Variants in CD1B observed in about 807,000 individuals in gnomAD.
CD1B encodes the protein T-cell surface glycoprotein CD1b.
A neutral mutation model predicts 39.8 loss-of-function variants in CD1B; 43 were observed. That is an observed-to-expected ratio of 1.08 (90% confidence interval 0.85 to 1.39). CD1B has a LOEUF of 1.39. CD1B is among the 40% of genes most tolerant of loss of function. The probability of loss-of-function intolerance (pLI) is 0.00; values close to 1 mark genes in which losing one functional copy is unlikely to be tolerated. For synonymous variants in CD1B, 192 were observed against 152.5 expected (o/e 1.26, Z -1.91); for missense variants, 495 against 403.8 (o/e 1.23, Z -1.94).
the CD1B span, among the ~76,000 whole-genome samples, chr1:158,313,066 G>T: frequency 6.6e-6 from 1 of 152,102 alleles, no homozygotes; most frequent in Non-Finnish European, 1.5e-5. Flanking sequence ...GTGGGATGTT[G>T]AATTCTATCA....
chr1:158,291,457 T>C, the CD1B span: 4 of 1,562,360 alleles, frequency 2.6e-6, no homozygotes, highest in South Asian at 1.1e-5. Flanking sequence ...TTCAGGGAAA[T>C]ATTCTCTACT....
At chr1:158,327,269 G>A (rs1238481741), downstream of CD1B, among the ~76,000 whole-genome samples, 2 of 152,106 alleles carry the variant, frequency 1.3e-5, no homozygotes, top group Admixed American at 1.3e-4. Context: ...CAAAACTCTT[G>A]CTAGCTACAG....
the CD1B span, among the ~76,000 whole-genome samples, chr1:158,306,125 A>G: frequency 6.6e-6 from 1 of 152,244 alleles, no homozygotes; most frequent in Non-Finnish European, 1.5e-5. Context: ...CAATTAAAAG[A>G]CACATACTGG....
chr1:158,314,976 G>A, the CD1B span, among the ~76,000 whole-genome samples: 1 of 148,024 alleles, frequency 6.8e-6, no homozygotes, highest in Non-Finnish European at 1.5e-5. Flanking sequence ...TCCCTACAAA[G>A]GACATGAACT....
chr1:158,296,415 G>A, the CD1B span, among the ~76,000 whole-genome samples: 1 of 152,098 alleles, frequency 6.6e-6, no homozygotes, highest in Non-Finnish European at 1.5e-5. Context: ...AGCCTCAAGG[G>A]CATCAAAGAA....
At chr1:158,293,706 G>T in the CD1B span, 12 of 1,002,758 alleles carry the variant, frequency 1.2e-5, no homozygotes, top group African/African-American at 1.4e-4. Context: ...TTCCTCCAAC[G>T]ATCTTCCTTG....
At chr1:158,301,023 G>C in the CD1B span, among the ~76,000 whole-genome samples, 1 of 151,860 alleles carries the variant, frequency 6.6e-6, no homozygotes, top group Admixed American at 6.6e-5. Context: ...CTCCCAAATT[G>C]CTGGAATTAC....
At position 158,328,994 on chromosome 1, in the gene CD1B, A is replaced by T. The variant is rs761942969; in HGVS notation, c.907T>A (p.Ser303Thr). The T allele has an allele frequency of 9.9e-6, 16 of 1,613,910 alleles. No homozygotes were observed. The highest frequency in any genetic ancestry group is 1.6e-4 in the Middle Eastern group (1 of 6,062). Residue 303 changes from serine to threonine, a missense_variant, in exon 5 of 6, where the codon TCA becomes ACA. Coordinates refer to ENST00000368168, the MANE Select transcript of CD1B (RefSeq NM_001764.3). Reference sequence around the variant, plus strand: ...GGCACTATTATTGCCAAAACAATTGAGCCAATGGAGGTGGGGTTTCCTGGC... The same window carrying T: ...GGCACTATTATTGCCAAAACAATTGTGCCAATGGAGGTGGGGTTTCCTGGC... ...LYWRNPTSIGSIVLAIIVPSL... is the reference protein window; with the variant it reads ...LYWRNPTSIGTIVLAIIVPSL...
the CD1B span, among the ~76,000 whole-genome samples, chr1:158,308,608 G>A: frequency 1.3e-5 from 2 of 152,154 alleles, no homozygotes; most frequent in African/African-American, 2.4e-5. Flanking sequence ...AACCAAAACA[G>A]CATGGTACTG....
chr1:158,291,088 C>CT, the CD1B span: 93,978 of 1,115,354 alleles, frequency 0.084, no homozygotes, highest in Non-Finnish European at 0.095. Flanking sequence ...CCTTGCCTCT[C>CT]TTTTTTTTTT....
At chr1:158,331,126 A>C in intron 1 of CD1B, 64 bp from the exon 2 acceptor site, 3 of 1,461,150 alleles carry the variant, frequency 2.1e-6, no homozygotes, top group Non-Finnish European at 2.8e-6. Flanking sequence ...ATTAGGAAGA[A>C]TGGGAATGAA....
chr1:158,321,563 T>A, the CD1B span, among the ~76,000 whole-genome samples: 2 of 152,210 alleles, frequency 1.3e-5, no homozygotes, highest in East Asian at 1.9e-4. Context: ...TCTTTCCTAG[T>A]TATTTTGTAG....
At chr1:158,296,542 G>A in the CD1B span, among the ~76,000 whole-genome samples, 1 of 152,194 alleles carries the variant, frequency 6.6e-6, no homozygotes, top group East Asian at 1.9e-4. Flanking sequence ...AAGTCAGAGT[G>A]TCTTCTTACT....
At chr1:158,304,767 T>C in the CD1B span, among the ~76,000 whole-genome samples, 3 of 152,132 alleles carry the variant, frequency 2.0e-5, no homozygotes, top group South Asian at 4.1e-4. Flanking sequence ...GGCAGCAACA[T>C]TTGCTGTTCA....
chr1:158,314,276 G>T, the CD1B span, among the ~76,000 whole-genome samples: 1 of 152,040 alleles, frequency 6.6e-6, no homozygotes, highest in Non-Finnish European at 1.5e-5. Flanking sequence ...GTAGAGATGG[G>T]GTTTCACCAT....
chr1:158,310,994 G>T, the CD1B span, among the ~76,000 whole-genome samples: 3 of 152,042 alleles, frequency 2.0e-5, no homozygotes, highest in Non-Finnish European at 4.4e-5. Context: ...TGTACACCAA[G>T]CCCCCACAAC....
chr1:158,317,183 A>C, the CD1B span, among the ~76,000 whole-genome samples: 1 of 151,980 alleles, frequency 6.6e-6, no homozygotes, highest in East Asian at 1.9e-4. Flanking sequence ...TCATAAAATG[A>C]GTTAGGGAGG....
chr1:158,318,103 T>C, the CD1B span, among the ~76,000 whole-genome samples: 1 of 152,196 alleles, frequency 6.6e-6, no homozygotes, highest in Non-Finnish European at 1.5e-5. Flanking sequence ...AATTTTGGAA[T>C]AGGTGTGGTG....
the CD1B span, among the ~76,000 whole-genome samples, chr1:158,307,580 T>A: frequency 1.3e-5 from 2 of 152,092 alleles, no homozygotes; most frequent in Non-Finnish European, 2.9e-5. Context: ...CCTAACTCAT[T>A]TTATGAGGCC....
Sources: allele counts gnomAD v4.1 joint callset (sites outside exome capture counted in the v4.1 genomes callset), GRCh38; gene constraint gnomAD v4.1.1; transcripts MANE v1.5; gene names NCBI Gene and HGNC (gene_info 2026-07-23, HGNC 2026-07-21).